Variants in TRAPPC9 observed in about 807,000 individuals in gnomAD.
The protein encoded by TRAPPC9 is trafficking protein particle complex subunit 9.
In TRAPPC9, 83 loss-of-function variants were observed where a neutral mutation model predicts 124.0. The observed-to-expected ratio is 0.67, with a 90% CI of 0.56 to 0.80. The LOEUF is 0.80. Among genes scored for constraint, TRAPPC9 ranks in the 30% least tolerant of loss-of-function variants. The pLI is 0.00. For missense variants in TRAPPC9, 1,302 were observed against 1,508.3 expected (o/e 0.86, Z 2.27); for synonymous variants, 638 against 617.5 (o/e 1.03, Z -0.49).
At chr8:139,768,553 T>C (rs1820730639) in intron 21 of TRAPPC9, among the ~76,000 whole-genome samples, 1 of 152,258 alleles carries the variant, frequency 6.6e-6, no homozygotes, top group African/African-American at 2.4e-5. Context: ...CTGTTAGTGG[T>C]CACCATCTCT....
intron 2 of TRAPPC9, among the ~76,000 whole-genome samples, chr8:140,443,180 A>G (rs1564027149): frequency 7.0e-6 from 1 of 143,264 alleles, no homozygotes; most frequent in Non-Finnish European, 1.5e-5. Flanking sequence ...TCACACCTGT[A>G]ATCCCAGCAC....
Position 140,376,825 on chromosome 8 carries a change from C to T in TRAPPC9, c.1135-5645G>A, listed in dbSNP as rs1588242361. Among the ~76,000 whole-genome samples the T allele has an allele frequency of 1.3e-5, 2 of 149,414 alleles. 1 individual carries two copies. Among genetic ancestry groups the T allele is most frequent in the South Asian group, 4.2e-4 (2 of 4,706 alleles). Reference sequence around the variant, plus strand: ...TGGGAGGTGGAAGTTAGCAGTGAACCGAGATCGCGCCACTGCACTTCAGCA... The same window carrying T: ...TGGGAGGTGGAAGTTAGCAGTGAACTGAGATCGCGCCACTGCACTTCAGCA... On this transcript the variant is annotated intron_variant, in intron 7 of 22. Coordinates refer to ENST00000438773, the MANE Select transcript of TRAPPC9 (RefSeq NM_001160372.4).
At chr8:139,845,322 G>A (rs932683387) in intron 21 of TRAPPC9, among the ~76,000 whole-genome samples, 21 of 152,100 alleles carry the variant, frequency 1.4e-4, no homozygotes, top group Admixed American at 6.5e-5. Context: ...ACAAACTCTC[G>A]CCTGTGCTCC....
At chr8:140,100,016 C>T (rs1338375054) in intron 17 of TRAPPC9, 1 of 150,206 alleles carries the variant, frequency 6.7e-6, no homozygotes, top group African/African-American at 2.5e-5. Context: ...CACCCGGGTC[C>T]TCCGCAGCCT....
At chr8:139,758,330 A>G (rs1586782142) in intron 21 of TRAPPC9, among the ~76,000 whole-genome samples, 1 of 152,232 alleles carries the variant, frequency 6.6e-6, no homozygotes, top group East Asian at 1.9e-4. Flanking sequence ...CGCGTGCTTT[A>G]CATTTCTTAC....
At chr8:140,233,171 A>G (rs1045862901) in intron 16 of TRAPPC9, among the ~76,000 whole-genome samples, 2 of 151,652 alleles carry the variant, frequency 1.3e-5, no homozygotes, top group African/African-American at 4.8e-5. Flanking sequence ...CTTCTGCACA[A>G]ATTAGTTTTA....
chr8:139,888,534 C>T (rs547147681), intron 20 of TRAPPC9, among the ~76,000 whole-genome samples: 12 of 152,244 alleles, frequency 7.9e-5, no homozygotes, highest in African/African-American at 2.2e-4. Flanking sequence ...TCCTCCCTCT[C>T]GGAGGAGATG....
At chr8:140,115,468 CGTCTTGACCAGGCTG>C (rs2060862867) in intron 17 of TRAPPC9, among the ~76,000 whole-genome samples, 1 of 151,994 alleles carries the variant, frequency 6.6e-6, no homozygotes, top group African/African-American at 2.4e-5. Flanking sequence ...GGGGTTTCAC[CGTCTTGACCAGGCTG>C]GTCTTGAACT....
chr8:140,272,258 G>A (rs985946820), intron 15 of TRAPPC9, among the ~76,000 whole-genome samples: 5 of 146,636 alleles, frequency 3.4e-5, no homozygotes, highest in African/African-American at 1.0e-4. Flanking sequence ...GGGGGTTGGG[G>A]TGGTGTTTGT....
chr8:140,128,329 C>A (rs1215201604), intron 17 of TRAPPC9, among the ~76,000 whole-genome samples: 1 of 152,208 alleles, frequency 6.6e-6, no homozygotes, highest in Non-Finnish European at 1.5e-5. Flanking sequence ...GAAACCAGCT[C>A]CAGCTCTGGC....
At chr8:139,738,461 G>A (rs943523325) in intron 21 of TRAPPC9, among the ~76,000 whole-genome samples, 2 of 152,078 alleles carry the variant, frequency 1.3e-5, no homozygotes, top group African/African-American at 2.4e-5. Context: ...CTGGGCCATC[G>A]GAGTAGGCCC....
intron 17 of TRAPPC9, among the ~76,000 whole-genome samples, chr8:140,178,434 A>T (rs2062120461): frequency 6.6e-6 from 1 of 152,184 alleles, no homozygotes; most frequent in Admixed American, 6.5e-5. Flanking sequence ...CCAGCCTTGC[A>T]TTCTCAGAAT....
intron 17 of TRAPPC9, among the ~76,000 whole-genome samples, chr8:140,196,758 C>T (rs1587903327): frequency 6.8e-6 from 1 of 146,880 alleles, no homozygotes; most frequent in South Asian, 2.1e-4. Context: ...CTAAAACACA[C>T]TCAATGATCC....
intron 17 of TRAPPC9, among the ~76,000 whole-genome samples, chr8:140,156,481 T>A (rs2061632481): frequency 6.6e-6 from 1 of 152,246 alleles, no homozygotes; most frequent in Admixed American, 6.5e-5. Flanking sequence ...ACTAACAAAT[T>A]ATTTTTTAAT....
chr8:140,315,233 CT>C (rs61220260), intron 9 of TRAPPC9, among the ~76,000 whole-genome samples: 30,424 of 106,822 alleles, frequency 0.28, 2,732 homozygotes, highest in Middle Eastern at 0.4. Context: ...ATTTGTATGT[CT>C]TTTTTTTTTT....
rs544111705 is a variant in TRAPPC9 at position 140,384,845 on chromosome 8, C to T, written c.1134+12775G>A. ...TAATAGACATCTACAGAACTCTCCA[C>T]CCCAAATCAACAGAATATACATTCT... On this transcript the variant is annotated intron_variant, in intron 7 of 22. Coordinates refer to ENST00000438773, the MANE Select transcript of TRAPPC9 (RefSeq NM_001160372.4). 2.6e-5 allele frequency among the ~76,000 whole-genome samples: 4 copies of T among 152,332 alleles called. No individual in the cohort carries two copies. In the South Asian group the frequency reaches 8.3e-4, roughly 32 times the overall value.
At chr8:140,093,097 T>C (rs1478374254) in intron 17 of TRAPPC9, among the ~76,000 whole-genome samples, 1 of 151,518 alleles carries the variant, frequency 6.6e-6, no homozygotes, top group Non-Finnish European at 1.5e-5. Context: ...ACATAAACCA[T>C]CCCCAAACAC....
At chr8:140,356,228 G>A (rs2067739326) in intron 9 of TRAPPC9, among the ~76,000 whole-genome samples, 1 of 152,176 alleles carries the variant, frequency 6.6e-6, no homozygotes, top group South Asian at 2.1e-4. Context: ...AATTAACAGA[G>A]AGCCCTATGT....
intron 20 of TRAPPC9, among the ~76,000 whole-genome samples, chr8:139,901,320 A>T (rs1227375673): frequency 6.6e-6 from 1 of 152,230 alleles, no homozygotes; most frequent in Non-Finnish European, 1.5e-5. Flanking sequence ...CATAAATAGA[A>T]ATTACACTAA....
Sources: gnomAD v4.1 joint callset for allele counts (sites outside exome capture counted in the v4.1 genomes callset) on GRCh38, gnomAD v4.1.1 for gene constraint, MANE v1.5 for transcripts, NCBI Gene and HGNC (gene_info 2026-07-23, HGNC 2026-07-21) for gene names.